The following TELO2 variants were observed in gnomAD, a reference collection of about 807,000 sequenced individuals.
TELO2 encodes telomere maintenance 2, also known as telomere length regulation protein TEL2 homolog.
In TELO2, 71 loss-of-function variants were observed where a neutral mutation model predicts 91.0. The ratio of observed to expected loss-of-function variants is 0.78; its 90% CI spans 0.64 to 0.95. The LOEUF (loss-of-function observed/expected upper bound fraction) is 0.95. Ranked by LOEUF, TELO2 falls within the 40% of genes least tolerant of loss-of-function variation. TELO2 has a pLI of 0.00. For missense variants in TELO2, 1,183 were observed against 1,141.3 expected, an observed-to-expected ratio of 1.04 and a Z score of -0.53; for synonymous variants, 584 against 518.9, an observed-to-expected ratio of 1.13 and a Z score of -1.71.
At chr16:1,503,127 G>A (rs1018485127) in intron 15 of TELO2, 125 bp downstream of exon 15, 7 of 1,043,014 alleles carry the variant, frequency 6.7e-6, no homozygotes, top group African/African-American at 3.1e-5. Context: ...CACTGCCTTC[G>A]TGAGTGTGTG....
chr16:1,502,772 G>C lies in TELO2; in HGVS notation c.1770+11G>C, dbSNP rs113189356. ...ACAGACCCGGCCCCGGTGAGTTCCC[G>C]CACCCGTGGCCCTGGCCAGTGCAGG... is the stretch of plus-strand genomic sequence containing the variant. On this transcript the variant is annotated intron_variant, in intron 14 of 20. Coordinates refer to ENST00000262319, the MANE Select transcript of TELO2 (RefSeq NM_016111.4). 10 of 1,610,044 alleles carry C rather than the reference G, an allele frequency of 6.2e-6. No homozygotes were observed. Among genetic ancestry groups the C allele is most frequent in the Non-Finnish European group, 8.5e-6 (10 of 1,179,480 alleles).
At position 1,500,681 on chromosome 16, in the gene TELO2, G is replaced by A. The variant is rs1354333763; in HGVS notation, c.1263G>A (p.Gly421=). The A allele has an allele frequency of 6.2e-7, 1 of 1,612,328 alleles. No individual in the cohort carries two copies. Among genetic ancestry groups the A allele is most frequent in the African/African-American group, 1.3e-5 (1 of 74,920 alleles). Residue 421 remains glycine (G), a synonymous_variant, in exon 9 of 21, where the codon GGG becomes GGA. Coordinates refer to ENST00000262319, the MANE Select transcript of TELO2 (RefSeq NM_016111.4). Reference sequence around the variant, plus strand: ...TTAGTGCCCGGATCCACCCCGAGGGGCCTCCCCTGAAATTCCAGGTGAGCG... The same window carrying A: ...TTAGTGCCCGGATCCACCCCGAGGGACCTCCCCTGAAATTCCAGGTGAGCG... The part of the protein sequence containing the change: ...EVVSARIHPE[G]PPLKFQYEED...
intron 16 of TELO2, among the ~76,000 whole-genome samples, chr16:1,506,028 G>A (rs1288884471): frequency 6.6e-6 from 1 of 152,220 alleles, no homozygotes; most frequent in Non-Finnish European, 1.5e-5. Context: ...GTTCGGGAAC[G>A]CCTGGTCTGC....
intron 10 of TELO2, 43 bp downstream of exon 10, chr16:1,501,542 T>G (rs746163484): frequency 6.3e-6 from 10 of 1,582,310 alleles, no homozygotes; most frequent in Non-Finnish European, 7.8e-6. Context: ...GTGCACATCT[T>G]ACTGCTCTGG....
chr16:1,508,459 C>A lies in TELO2; in HGVS notation c.2407+743C>A, dbSNP rs1056818254. On this transcript the variant is annotated intron_variant, in intron 20 of 20. Transcript: ENST00000262319. The stretch of plus-strand genomic sequence containing the variant: ...CCCAGCACCTTTTGTTGTTTGCTGG[C>A]CTTTGTGGTCCAGTGGTTGGTTTGT... Among the ~76,000 whole-genome samples, 23 of 152,330 alleles carry A rather than the reference C, an allele frequency of 1.5e-4. 1 individual carries two copies. The highest frequency in any genetic ancestry group is 8.3e-4 in the South Asian group (4 of 4,832).
chr16:1,506,661 A>C, intron 17 of TELO2: 1 of 1,369,428 alleles, frequency 7.3e-7, no homozygotes, highest in South Asian at 1.6e-5. Flanking sequence ...CCCCACGTTC[A>C]GGGCGTGAGG....
In TELO2 at chr16:1,501,480, G is replaced by T. The variant is rs1236365549; in HGVS notation, c.1342G>T (p.Asp448Tyr). The T allele has an allele frequency of 6.2e-7, 1 of 1,610,794 alleles. No homozygotes were observed. Among genetic ancestry groups the T allele is most frequent in the Non-Finnish European group, 8.5e-7 (1 of 1,178,860 alleles). Residue 448 changes from aspartate to tyrosine, a missense_variant, in exon 10 of 21, where the codon GAC (aspartate) becomes TAC (tyrosine). Coordinates refer to ENST00000262319, the MANE Select transcript of TELO2 (RefSeq NM_016111.4). ...LALASPQPAGDGASEAGTSLV... is the reference protein window; with the variant it reads ...LALASPQPAGYGASEAGTSLV... Reference sequence around the variant, plus strand: ...CTTGGCCTCCCCCCAGCCTGCGGGTGACGGCGCCTCGGAGGCGGGGTGAGG... The same window carrying T: ...CTTGGCCTCCCCCCAGCCTGCGGGTTACGGCGCCTCGGAGGCGGGGTGAGG...
At position 1,497,552 on chromosome 16, in the gene TELO2, C is replaced by G. The variant is rs756307414; in HGVS notation, c.830+44C>G. 1 of 1,512,406 alleles carries G rather than the reference C, an allele frequency of 6.6e-7. No individual in the cohort carries two copies. The highest frequency in any genetic ancestry group is 1.2e-5 in the South Asian group (1 of 81,834). 93.7% of individuals were successfully genotyped at this position (1,512,406 alleles called of 1,614,324 possible). On this transcript the variant is annotated intron_variant, in intron 5 of 20. Coordinates refer to ENST00000262319, the MANE Select transcript of TELO2 (RefSeq NM_016111.4). The surrounding 1 kb of genome is among the most constrained non-coding windows in gnomAD (Gnocchi z 4.0). ...CTCCAGCTGCACTGGCTTCTGGGGT[C>G]TGGACCCCCAGAGGCTGCCATTCCT... is the stretch of plus-strand genomic sequence containing the variant.
chr16:1,507,849 GGTGTGTGTGTGTGTGT>G lies in TELO2; in HGVS notation c.2407+163_2407+178del, dbSNP rs560652753. ...GTGTGTGTGATGTGTGTTGGCCCGG[GGTGTGTGTGTGTGTGT>G]GTGTGTGTGTGTGTGTGTGTGTGTG... On this transcript the variant is annotated intron_variant, in intron 20 of 20. Transcript: ENST00000262319. 144 of 308,228 alleles carry G rather than the reference GGTGTGTGTGTGTGTGT, an allele frequency of 4.7e-4. 1 individual carries two copies. Among genetic ancestry groups the G allele is most frequent in the Middle Eastern group, 2.0e-3 (2 of 976 alleles). The allele number at this position is 308,228 out of a possible 1,614,324, so 19.1% of individuals were successfully genotyped here.
Position 1,493,814 on chromosome 16 carries a change from G to T in TELO2, c.-37+209G>T, listed in dbSNP as rs1009647117. On this transcript the variant is annotated intron_variant, in intron 1 of 20. Transcript: ENST00000262319. This position sits in a 1 kb window ranked among gnomAD's most constrained non-coding sequence, Gnocchi z 4.3. The stretch of plus-strand genomic sequence containing the variant: ...CGTAAGCTGTTGGTTTCTAAGGGGC[G>T]GAGGAATGGCGACTGGAGCCACCTC... 6.6e-6 allele frequency among the ~76,000 whole-genome samples: 1 copy of T among 152,236 alleles called. No homozygotes were observed. The highest frequency in any genetic ancestry group is 1.5e-5 in the Non-Finnish European group (1 of 68,038).
intron 7 of TELO2, 88 bp from the exon 8 acceptor site, chr16:1,500,258 TG>T: frequency 6.5e-7 from 1 of 1,530,316 alleles, no homozygotes. Flanking sequence ...CTGGCTGGGC[TG>T]GGGCGGAGCT....
chr16:1,506,201 C>T, intron 16 of TELO2, 37 bp from the exon 17 acceptor site: 1 of 1,609,264 alleles, frequency 6.2e-7, no homozygotes, highest in Non-Finnish European at 8.5e-7. Flanking sequence ...GCTGCCCAAG[C>T]CTGCACCTCC....
rs1438009458 is a variant in TELO2, at chr16:1,502,074, G to A, written c.1500G>A (p.Met500Ile). ...DSDDEFVPYD[M>I]SGDRELKSSK... ...ATGATGAGTTTGTCCCCTACGACATGTCGGGGGACAGAGAGCTGAAGAGCA... is the reference window on the plus strand; with the variant it reads ...ATGATGAGTTTGTCCCCTACGACATATCGGGGGACAGAGAGCTGAAGAGCA... The change falls in exon 12 of 21, where the codon ATG (methionine) becomes ATA (isoleucine). Residue 500 changes from methionine (M) to isoleucine (I), a missense_variant. Physicochemically the swap from Met to Ile is conservative, Grantham distance 10. Transcript: ENST00000262319. 1.2e-6 allele frequency: 2 copies of A among 1,613,296 alleles called. No individual in the cohort carries two copies. The highest frequency in any genetic ancestry group is 1.7e-6 in the Non-Finnish European group (2 of 1,179,986).
At position 1,495,589 on chromosome 16, in the gene TELO2, C is replaced by T. The variant is rs1596249325; in HGVS notation, c.579C>T (p.Val193=). The stretch of plus-strand genomic sequence containing the variant: ...TCCGCCTGCTCGGCGAGGAGGTCGT[C>T]CGGGTGCTGCAGGCGGTTGTGGACT... ...NYFRLLGEEV[V]RVLQAVVDSL... Residue 193 remains valine (V), a synonymous_variant, in exon 3 of 21, where the codon GTC becomes GTT. Transcript: ENST00000262319. The T allele has an allele frequency of 5.0e-6, 8 of 1,606,522 alleles. No homozygotes were observed. The highest frequency in any genetic ancestry group is 2.7e-5 in the African/African-American group (2 of 74,852).
rs2039889424 is a variant in TELO2 at position 1,506,282 on chromosome 16, C to T, written c.2079C>T (p.Asn693=). The part of the protein sequence containing the change: ...QGPAGSPSRF[N]SVAGHFFFPL... Reference sequence around the variant, plus strand: ...CGGCAGGCAGCCCCAGCAGATTCAACTCCGTGGCCGGCCACTTCTTCTTCC... The same window carrying T: ...CGGCAGGCAGCCCCAGCAGATTCAATTCCGTGGCCGGCCACTTCTTCTTCC... Residue 693 remains asparagine (N), a synonymous_variant, in exon 17 of 21, where the codon AAC becomes AAT. Coordinates refer to ENST00000262319, the MANE Select transcript of TELO2 (RefSeq NM_016111.4). The T allele has an allele frequency of 1.9e-6, 3 of 1,613,950 alleles. No homozygotes were observed.
rs766119507 is a variant in TELO2 at position 1,506,291 on chromosome 16, C to T, written c.2088C>T (p.Ala696=). 1.1e-5 allele frequency: 18 copies of T among 1,613,898 alleles called. No individual in the cohort carries two copies. The highest frequency in any genetic ancestry group is 5.5e-5 in the South Asian group (5 of 91,090). ...AGSPSRFNSV[A]GHFFFPLLQR... is the part of the protein sequence containing the mutation. ...GCCCCAGCAGATTCAACTCCGTGGC[C>T]GGCCACTTCTTCTTCCCCCTCCTTC... The change falls in exon 17 of 21, where the codon GCC becomes GCT. Residue 696 remains alanine (A), a synonymous_variant. Transcript: ENST00000262319.
chr16:1,500,547 T>C lies in TELO2; in HGVS notation c.1145-16T>C, dbSNP rs760400688. ...GGCGCCCCGAGGTGCTCAGGGGGCC[T>C]GTCCGGTGCTTGCAGAACTGCTGGC... On this transcript the variant is annotated splice_polypyrimidine_tract_variant and intron_variant, in intron 8 of 20. Coordinates refer to ENST00000262319, the MANE Select transcript of TELO2 (RefSeq NM_016111.4). 4.3e-6 allele frequency: 7 copies of C among 1,611,236 alleles called. No homozygotes were observed. The South Asian group carries it at 5.5e-5, about 13-fold the overall frequency.
In TELO2 at chr16:1,507,715, G is replaced by T; in HGVS notation, c.2406G>T (p.Ala802=). 1 of 1,601,490 alleles carries T rather than the reference G, an allele frequency of 6.2e-7. No homozygotes were observed. Among genetic ancestry groups the T allele is most frequent in the East Asian group, 2.2e-5 (1 of 44,732 alleles). ...DELLEARSWL[A]DVAEKDPDED... is the part of the protein sequence containing the mutation. ...TGCTGGAAGCCCGGTCCTGGCTGGC[G>T]GGTGAGTGTCGGCCTGCGGTGTGTG... The change falls in exon 20 of 21, where the codon GCG becomes GCT. Residue 802 remains alanine, a splice_region_variant and synonymous_variant. Transcript: ENST00000262319.
chr16:1,502,496 C>T (rs1032395743), intron 13 of TELO2, 92 bp downstream of exon 13: 7 of 1,509,824 alleles, frequency 4.6e-6, no homozygotes, highest in Admixed American at 3.7e-5. Flanking sequence ...ACATATGGCT[C>T]CCGTGTGTGA....
Sources: gnomAD v4.1 joint callset for allele counts (sites outside exome capture counted in the v4.1 genomes callset) on GRCh38, gnomAD v4.1.1 for gene constraint, Gnocchi (gnomAD v3.1) non-coding constraint, MANE v1.5 for transcripts, NCBI Gene and HGNC (gene_info 2026-07-23, HGNC 2026-07-21) for gene names.